Variants in NTF3 observed in about 807,000 individuals in gnomAD.
NTF3 encodes the protein neurotrophin-3.
Under a neutral mutation model 26.3 loss-of-function variants are expected in NTF3, and 8 were observed. That is an observed-to-expected ratio of 0.30 (90% confidence interval 0.18 to 0.55). The LOEUF is 0.55. Among genes scored for constraint, NTF3 ranks in the 20% least tolerant of loss-of-function variants. The pLI, the probability that NTF3 is intolerant of heterozygous loss-of-function variation, is 0.93. For missense variants in NTF3, 276 were observed against 352.9 expected, an observed-to-expected ratio of 0.78 and a Z score of 1.75; for synonymous variants, 154 against 145.5, an observed-to-expected ratio of 1.06 and a Z score of -0.42.
At chr12:5,434,146 A>G (rs1940136943) in intron 1 of NTF3, among the ~76,000 whole-genome samples, 1 of 152,182 alleles carries the variant, frequency 6.6e-6, no homozygotes, top group Non-Finnish European at 1.5e-5. Flanking sequence ...CCTTTTTGAC[A>G]TGTCACACAA....
intron 1 of NTF3, among the ~76,000 whole-genome samples, chr12:5,442,392 G>A (rs1447796316): frequency 6.6e-6 from 1 of 152,154 alleles, no homozygotes; most frequent in Non-Finnish European, 1.5e-5. Flanking sequence ...GGGAGAGTCG[G>A]GGGAACACGC....
chr12:5,492,477 T>C (rs894503647), intron 1 of NTF3, among the ~76,000 whole-genome samples: 2 of 152,198 alleles, frequency 1.3e-5, no homozygotes, highest in African/African-American at 4.8e-5. Context: ...AAGTTGCATT[T>C]TGTTGGGCCT....
In NTF3 at chr12:5,463,862, T is replaced by C. The variant is rs1940553916; in HGVS notation, c.19-30332T>C. On this transcript the variant is annotated intron_variant, in intron 1 of 1. Coordinates refer to ENST00000423158, the MANE Select transcript of NTF3 (RefSeq NM_001102654.2). ...ACTACCTCTCTCTGGGCCTCAGTTT[T>C]CATATCTATGAAATTAGGAGGTTGA... 2.0e-5 allele frequency among the ~76,000 whole-genome samples: 3 copies of C among 152,240 alleles called. No homozygotes were observed. The South Asian group carries it at 6.2e-4, about 32-fold the overall frequency.
chr12:5,456,607 AC>A lies in NTF3; in HGVS notation c.18+24270del, dbSNP rs1238825083. Among the ~76,000 whole-genome samples, 2 of 150,036 alleles carry A rather than the reference AC, an allele frequency of 1.3e-5. No individual in the cohort carries two copies. Among genetic ancestry groups the A allele is most frequent in the African/African-American group, 2.5e-5 (1 of 40,692 alleles). Reference sequence around the variant, plus strand: ...TCGTGAGCTCTGGGGGTCCTCTTCCACCCCCACCCCCACCCCCAGCCCCTGG... The same window carrying A: ...TCGTGAGCTCTGGGGGTCCTCTTCCACCCCACCCCCACCCCCAGCCCCTGG... On this transcript the variant is annotated intron_variant, in intron 1 of 1. Transcript: ENST00000423158. This position sits in a 1 kb window ranked among gnomAD's most constrained non-coding sequence, Gnocchi z 4.4.
chr12:5,494,268 T>G lies in NTF3; in HGVS notation c.93T>G (p.Gly31=). 1 of 1,614,024 alleles carries G rather than the reference T, an allele frequency of 6.2e-7. No homozygotes were observed. Among genetic ancestry groups the G allele is most frequent in the Non-Finnish European group, 8.5e-7 (1 of 1,180,002 alleles). The change falls in exon 2 of 2, where the codon GGT becomes GGG. Residue 31 remains glycine (G), a synonymous_variant. Transcript: ENST00000423158. This position sits in a 1 kb window ranked among gnomAD's most constrained non-coding sequence, Gnocchi z 8.3. ...IFLAYLRGIQ[G]NNMDQRSLPE... ...TCGCTTATCTCCGTGGCATCCAAGG[T>G]AACAACATGGATCAAAGGAGTTTGC...
chr12:5,481,627 A>G (rs976742742), intron 1 of NTF3, among the ~76,000 whole-genome samples: 54 of 81,850 alleles, frequency 6.6e-4, no homozygotes, highest in Non-Finnish European at 1.2e-3. Context: ...ACATACACAT[A>G]CATGCACACA....
intron 1 of NTF3, among the ~76,000 whole-genome samples, chr12:5,488,146 C>T (rs1037070905): frequency 2.6e-5 from 4 of 152,216 alleles, no homozygotes; most frequent in African/African-American, 9.7e-5. Flanking sequence ...CTCCTTGTAG[C>T]AATGCCAAGT....
At chr12:5,492,099 T>G (rs1015093046) in intron 1 of NTF3, among the ~76,000 whole-genome samples, 1 of 152,186 alleles carries the variant, frequency 6.6e-6, no homozygotes, top group African/African-American at 2.4e-5. Context: ...ATATGGCTTA[T>G]CTACTTCTAA....
Position 5,493,498 on chromosome 12 carries a change from G to A in NTF3, c.19-696G>A, listed in dbSNP as rs754165108. Among the ~76,000 whole-genome samples the A allele has an allele frequency of 6.6e-5, 10 of 152,142 alleles. No homozygotes were observed. In the East Asian group the frequency reaches 1.9e-3, roughly 29 times the overall value. Reference sequence around the variant, plus strand: ...GGCAGAGCTGCGTTTTGTGGAGAGCGTCCCCGGGGATGGAGCAGATCAGTT... The same window carrying A: ...GGCAGAGCTGCGTTTTGTGGAGAGCATCCCCGGGGATGGAGCAGATCAGTT... On this transcript the variant is annotated intron_variant, in intron 1 of 1. Transcript: ENST00000423158.
intron 1 of NTF3, among the ~76,000 whole-genome samples, chr12:5,464,446 AAG>A (rs1940563291): frequency 6.6e-6 from 1 of 152,218 alleles, no homozygotes; most frequent in African/African-American, 2.4e-5. Flanking sequence ...TCAACATACA[AAG>A]AGGTTGTGTG....
chr12:5,443,262 G>T (rs923603210), intron 1 of NTF3, among the ~76,000 whole-genome samples: 1 of 152,120 alleles, frequency 6.6e-6, no homozygotes, highest in African/African-American at 2.4e-5. Flanking sequence ...GTCATGTAAG[G>T]GCCCCCCCAT....
chr12:5,464,023 C>G (rs1041113418), intron 1 of NTF3, among the ~76,000 whole-genome samples: 1 of 152,128 alleles, frequency 6.6e-6, no homozygotes, highest in Admixed American at 6.5e-5. Flanking sequence ...CAATTCTGGA[C>G]TTGGCTTGAG....
upstream of NTF3, among the ~76,000 whole-genome samples, chr12:5,431,116 C>T (rs1319034054): frequency 2.0e-5 from 3 of 152,042 alleles, no homozygotes; most frequent in Non-Finnish European, 4.4e-5. Flanking sequence ...AGATTTTGAC[C>T]CCCTCCCCCT....
intron 1 of NTF3, among the ~76,000 whole-genome samples, chr12:5,441,982 C>T (rs866001671): frequency 1.3e-5 from 2 of 152,332 alleles, no homozygotes; most frequent in Middle Eastern, 6.8e-3. Context: ...TAGGATAACT[C>T]CTCGTTAGAC....
intron 1 of NTF3, among the ~76,000 whole-genome samples, chr12:5,434,145 C>T (rs1307473617): frequency 6.6e-6 from 1 of 152,194 alleles, no homozygotes; most frequent in African/African-American, 2.4e-5. Flanking sequence ...TCCTTTTTGA[C>T]ATGTCACACA....
chr12:5,437,557 C>T (rs528612245), intron 1 of NTF3, among the ~76,000 whole-genome samples: 26 of 152,266 alleles, frequency 1.7e-4, no homozygotes, highest in African/African-American at 5.3e-4. Flanking sequence ...GGAGGGAATG[C>T]AAGTCTGTGC....
intron 1 of NTF3, among the ~76,000 whole-genome samples, chr12:5,464,911 G>A (rs1436439418): frequency 2.0e-5 from 3 of 152,134 alleles, no homozygotes; most frequent in Non-Finnish European, 4.4e-5. Flanking sequence ...CTGAACAACT[G>A]GCAGCCTCAT....
At position 5,471,992 on chromosome 12, in the gene NTF3, G is replaced by A. The variant is rs117976879; in HGVS notation, c.19-22202G>A. 1.1e-3 allele frequency among the ~76,000 whole-genome samples: 174 copies of A among 152,206 alleles called. 5 individuals carry two copies. The East Asian group carries it at 0.028, about 24-fold the overall frequency. On this transcript the variant is annotated intron_variant, in intron 1 of 1. Transcript: ENST00000423158. ...GCCCCAAGACCTTCCTCTGCACACC[G>A]TCCATTTTTACTTGGTTTCATTTTG...
intron 1 of NTF3, among the ~76,000 whole-genome samples, chr12:5,455,626 CT>C (rs1940436202): frequency 1.3e-5 from 2 of 151,762 alleles, no homozygotes; most frequent in Admixed American, 1.3e-4. Flanking sequence ...TGTTCATATC[CT>C]CCAGGATAGC....
Sources: allele counts gnomAD v4.1 joint callset (sites outside exome capture counted in the v4.1 genomes callset), GRCh38; gene constraint gnomAD v4.1.1; non-coding constraint Gnocchi (gnomAD v3.1); transcripts MANE v1.5; gene names NCBI Gene and HGNC (gene_info 2026-07-23, HGNC 2026-07-21).